Variants in FAM200A observed in about 807,000 individuals in gnomAD.
FAM200A encodes protein FAM200A.
In FAM200A, 26 loss-of-function variants were observed where a neutral mutation model predicts 44.2. The ratio of observed to expected loss-of-function variants is 0.59; its 90% CI spans 0.43 to 0.82. The LOEUF (loss-of-function observed/expected upper bound fraction) is 0.82, where lower values mean the gene tolerates loss of function less well. Ranked by LOEUF, FAM200A falls within the 40% of genes least tolerant of loss-of-function variation. The pLI is 0.00. For synonymous variants in FAM200A, 206 were observed against 244.4 expected (o/e 0.84, Z 1.47); for missense variants, 606 against 669.5 (o/e 0.91, Z 1.05).
intron 1 of FAM200A, among the ~76,000 whole-genome samples, chr7:99,550,800 C>T (rs919917582): frequency 6.6e-6 from 1 of 152,126 alleles, no homozygotes; most frequent in Admixed American, 6.5e-5. Context: ...CCTGGCAGGG[C>T]GTGGTGGCTG....
upstream of FAM200A, among the ~76,000 whole-genome samples, chr7:99,553,060 T>C (rs1419956427): frequency 1.7e-4 from 18 of 105,048 alleles, no homozygotes; most frequent in Admixed American, 1.6e-3. Context: ...CATATATATA[T>C]ATACACACAC....
intron 1 of FAM200A, among the ~76,000 whole-genome samples, chr7:99,557,682 A>G (rs979321839): frequency 6.6e-6 from 1 of 152,224 alleles, no homozygotes; most frequent in Non-Finnish European, 1.5e-5. Context: ...AGGGATAAAG[A>G]GAGGAAAGGA....
chr7:99,550,064 A>G (rs1802492277), intron 1 of FAM200A, among the ~76,000 whole-genome samples: 1 of 152,036 alleles, frequency 6.6e-6, no homozygotes, highest in Non-Finnish European at 1.5e-5. Flanking sequence ...AAAGTAAATA[A>G]TAAAAAAAAA....
chr7:99,546,402 G>T lies in FAM200A; in HGVS notation c.*284C>A. Reference sequence around the variant, plus strand: ...TTTTTTTTTTGAGATGAAGTCTCACGCTGTTGCCCAGGCTGGAATGCAGTG... The same window carrying T: ...TTTTTTTTTTGAGATGAAGTCTCACTCTGTTGCCCAGGCTGGAATGCAGTG... On this transcript the variant is annotated 3_prime_UTR_variant, in exon 2 of 2. Transcript: ENST00000449309. The T allele has an allele frequency of 3.4e-6, 1 of 292,734 alleles. No individual in the cohort carries two copies. 18.1% of individuals were successfully genotyped at this position (292,734 alleles called of 1,614,324 possible). A position where few individuals can be genotyped will look rare whatever the true frequency, so the allele number is the denominator to read the frequency against.
upstream of FAM200A, among the ~76,000 whole-genome samples, chr7:99,554,307 C>T (rs1268564335): frequency 6.6e-6 from 1 of 151,698 alleles, no homozygotes; most frequent in African/African-American, 2.4e-5. Context: ...GGTGAAACAC[C>T]GTCTCAACTA....
At chr7:99,549,593 T>A (rs1470281633) in intron 1 of FAM200A, among the ~76,000 whole-genome samples, 1 of 152,166 alleles carries the variant, frequency 6.6e-6, no homozygotes, top group Non-Finnish European at 1.5e-5. Context: ...TAAAGACACA[T>A]GCACATGTAT....
upstream of FAM200A, among the ~76,000 whole-genome samples, chr7:99,552,717 A>G (rs1802564001): frequency 6.6e-6 from 1 of 152,072 alleles, no homozygotes; most frequent in African/African-American, 2.4e-5. Context: ...CCTTTTATAA[A>G]ACAGTAACTG....
upstream of FAM200A, among the ~76,000 whole-genome samples, chr7:99,556,298 C>G (rs1802673954): frequency 1.3e-5 from 2 of 152,176 alleles, no homozygotes; most frequent in Non-Finnish European, 2.9e-5. Flanking sequence ...TACACTGTGA[C>G]AGAGAACAGG....
intron 1 of FAM200A, among the ~76,000 whole-genome samples, chr7:99,550,902 C>A (rs910868074): frequency 6.6e-6 from 1 of 152,082 alleles, no homozygotes; most frequent in Non-Finnish European, 1.5e-5. Context: ...CATGGCGAAA[C>A]CCCGTCTCTA....
At position 99,547,759 on chromosome 7, in the gene FAM200A, T is replaced by C. The variant is rs185068510; in HGVS notation, c.649A>G (p.Met217Val). 2.6e-5 allele frequency: 41 copies of C among 1,551,708 alleles called. No homozygotes were observed. In the African/African-American group the frequency reaches 5.5e-4, roughly 21 times the overall value. The stretch of plus-strand genomic sequence containing the variant: ...GTAAGTCTGCTGTGTTTTCCGGTCA[T>C]ATTTGCTGTTCCATCACTTGAAATT... ...KGISSDGTAN[M>V]TGKHSRLTEK... The change falls in exon 2 of 2, where the codon ATG (methionine) becomes GTG (valine). Residue 217 changes from methionine (M) to valine (V), a missense_variant. Transcript: ENST00000449309.
At chr7:99,550,014 A>G (rs1028502689) in intron 1 of FAM200A, among the ~76,000 whole-genome samples, 15 of 152,096 alleles carry the variant, frequency 9.9e-5, no homozygotes, top group African/African-American at 3.6e-4. Context: ...TAACCTGCAC[A>G]TTGTGCACAT....
In FAM200A at chr7:99,546,841, T is replaced by C. The variant is rs1364862669; in HGVS notation, c.1567A>G (p.Thr523Ala). The C allele has an allele frequency of 6.4e-7, 1 of 1,551,622 alleles. No homozygotes were observed. Among genetic ancestry groups the C allele is most frequent in the Non-Finnish European group, 8.7e-7 (1 of 1,146,992 alleles). Residue 523 changes from threonine (T) to alanine (A), a missense_variant, in exon 2 of 2, where the codon ACA becomes GCA. Physicochemically the swap from Thr to Ala is moderately conservative, Grantham distance 58. Coordinates refer to ENST00000449309, the MANE Select transcript of FAM200A (RefSeq NM_145111.4). ...GAAAATCCTAGTTCACACAAATATG[T>C]AGTTGTGAATGGTAGTAACAGCAAT... Reference protein sequence around the residue: ...SILLLLPFTTTYLCELGFSIL... With the variant: ...SILLLLPFTTAYLCELGFSIL...
chr7:99,547,047 T>G lies in FAM200A; in HGVS notation c.1361A>C (p.Asp454Ala). The change falls in exon 2 of 2, where the codon GAT (aspartate) becomes GCT (alanine). Residue 454 changes from aspartate to alanine, a missense_variant. Asp to Ala is a moderately radical substitution (Grantham distance 126). Transcript: ENST00000449309. ...TTCTGGGTTTTGAAAAGCAAATGGA[T>G]CTTTCATCCAAATATTTTCCTTTAA... ...ESLKENIWMK[D>A]PFAFQNPESI... The G allele has an allele frequency of 6.5e-7, 1 of 1,545,948 alleles. No homozygotes were observed. Among genetic ancestry groups the G allele is most frequent in the Non-Finnish European group, 8.7e-7 (1 of 1,145,736 alleles).
Position 99,546,804 on chromosome 7 carries a change from C to T in FAM200A, c.1604G>A (p.Arg535Gln), listed in dbSNP as rs187969464. The change falls in exon 2 of 2, where the codon CGG becomes CAG. Residue 535 changes from arginine (R) to glutamine (Q), a missense_variant. Arg to Gln is a conservative substitution (Grantham distance 43). Transcript: ENST00000449309. ...LCELGFSILT[R>Q]LKTKKRNRLN... ...CCTATTTCTCTTCTTTGTTTTTAAC[C>T]GTGTCAAGATTGAAAATCCTAGTTC... is the stretch of plus-strand genomic sequence containing the variant. 1.4e-5 allele frequency: 22 copies of T among 1,551,416 alleles called. No individual in the cohort carries two copies. Among genetic ancestry groups the T allele is most frequent in the Admixed American group, 3.9e-5 (2 of 50,946 alleles).
chr7:99,553,643 G>C (rs148510584), upstream of FAM200A, among the ~76,000 whole-genome samples: 24 of 152,282 alleles, frequency 1.6e-4, no homozygotes, highest in African/African-American at 5.8e-4. Context: ...TGAGTGGCTG[G>C]GTGTGATAGT....
chr7:99,547,546 T>A lies in FAM200A; in HGVS notation c.862A>T (p.Ile288Phe). The A allele has an allele frequency of 6.4e-7, 1 of 1,550,976 alleles. No individual in the cohort carries two copies. The highest frequency in any genetic ancestry group is 1.2e-5 in the South Asian group (1 of 83,674). The part of the protein sequence containing the change: ...SRLLEIFCSE[I>F]GVNHTHLLFH... ...AATAAGTGGGTGTGGTTCACTCCAA[T>A]CTCTGAACAAAATATTTCGAGAAGT... Residue 288 changes from isoleucine to phenylalanine, a missense_variant, in exon 2 of 2, where the codon ATT becomes TTT. Coordinates refer to ENST00000449309, the MANE Select transcript of FAM200A (RefSeq NM_145111.4).
Position 99,547,011 on chromosome 7 carries a change from T to G in FAM200A, c.1397A>C (p.Glu466Ala). ...FAFQNPESII[E>A]LNLEPEEENE... Reference sequence around the variant, plus strand: ...CTCTTCTTCAGGCTCCAAGTTTAACTCAATTATTGATTCTGGGTTTTGAAA... The same window carrying G: ...CTCTTCTTCAGGCTCCAAGTTTAACGCAATTATTGATTCTGGGTTTTGAAA... The change falls in exon 2 of 2, where the codon GAG becomes GCG. Residue 466 changes from glutamate to alanine, a missense_variant. Glu to Ala is a moderately radical substitution (Grantham distance 107, BLOSUM62 -1). Transcript: ENST00000449309. 6.5e-7 allele frequency: 1 copy of G among 1,549,540 alleles called. No homozygotes were observed. Among genetic ancestry groups the G allele is most frequent in the South Asian group, 1.2e-5 (1 of 83,380 alleles).
At position 99,547,953 on chromosome 7, in the gene FAM200A, C is replaced by T. The variant is rs1343230721; in HGVS notation, c.455G>A (p.Ser152Asn). Residue 152 changes from serine (S) to asparagine (N), a missense_variant, in exon 2 of 2, where the codon AGT (serine) becomes AAT (asparagine). Transcript: ENST00000449309. Reference sequence around the variant, plus strand: ...GACATAAACCAAGAGTGTGGGACAACTTGCAATATCAGTGCTCTCATCGAG... The same window carrying T: ...GACATAAACCAAGAGTGTGGGACAATTTGCAATATCAGTGCTCTCATCGAG... Reference protein sequence around the residue: ...IQLDESTDIASCPTLLVYVRY... With the variant: ...IQLDESTDIANCPTLLVYVRY... 1 of 1,551,324 alleles carries T rather than the reference C, an allele frequency of 6.4e-7. No homozygotes were observed. Among genetic ancestry groups the T allele is most frequent in the South Asian group, 1.2e-5 (1 of 84,064 alleles).
upstream of FAM200A, among the ~76,000 whole-genome samples, chr7:99,556,544 T>C (rs891766333): frequency 2.6e-5 from 4 of 152,222 alleles, no homozygotes; most frequent in African/African-American, 4.8e-5. Flanking sequence ...CTCATATTTC[T>C]GGACTTTCTG....
Sources: gnomAD v4.1 joint callset for allele counts (sites outside exome capture counted in the v4.1 genomes callset) on GRCh38, gnomAD v4.1.1 for gene constraint, MANE v1.5 for transcripts, NCBI Gene and HGNC (gene_info 2026-07-23, HGNC 2026-07-21) for gene names.